The following CCDC18 variants were observed in gnomAD, a reference collection of about 807,000 sequenced individuals.
CCDC18 encodes the protein coiled-coil domain containing 18, also known as coiled-coil domain-containing protein 18.
CCDC18 carries 157 observed loss-of-function variants against 196.0 expected under a neutral mutation model. The observed-to-expected ratio is 0.80, with a 90% CI of 0.70 to 0.91. The LOEUF (loss-of-function observed/expected upper bound fraction) is 0.91, where lower values mean the gene tolerates loss of function less well. Ranked by LOEUF, CCDC18 falls within the 40% of genes least tolerant of loss-of-function variation. The probability of loss-of-function intolerance (pLI) is 0.00; values close to 1 mark genes in which losing one functional copy is unlikely to be tolerated. For synonymous variants in CCDC18, 482 were observed against 529.2 expected (o/e 0.91, Z 1.22); for missense variants, 1,465 against 1,611.6 (o/e 0.91, Z 1.56).
In CCDC18 at chr1:93,189,531, T is replaced by C. The variant is rs557785712; in HGVS notation, c.463-2469T>C. 5.3e-5 allele frequency among the ~76,000 whole-genome samples: 8 copies of C among 152,364 alleles called. No individual in the cohort carries two copies. In the South Asian group the frequency reaches 1.7e-3, roughly 32 times the overall value. Reference sequence around the variant, plus strand: ...CATATGGTAGCTGTATTTTTAGTTTTTTGAGGAGCCTCCAAACTGTTCTCC... The same window carrying C: ...CATATGGTAGCTGTATTTTTAGTTTCTTGAGGAGCCTCCAAACTGTTCTCC... On this transcript the variant is annotated intron_variant, in intron 4 of 28. Coordinates refer to ENST00000690025, the MANE Select transcript of CCDC18 (RefSeq NM_001378204.1).
At chr1:93,219,145 G>C (rs1331864241) in intron 14 of CCDC18, among the ~76,000 whole-genome samples, 1 of 152,132 alleles carries the variant, frequency 6.6e-6, no homozygotes, top group East Asian at 1.9e-4. Flanking sequence ...CATGTTTTCT[G>C]TTAATGCCTT....
chr1:93,232,950 G>A (rs1402924497), intron 18 of CCDC18, among the ~76,000 whole-genome samples: 4 of 151,890 alleles, frequency 2.6e-5, no homozygotes, highest in Admixed American at 6.6e-5. Context: ...CAGCCTGGGC[G>A]ACAGAGTGAG....
At chr1:93,222,135 T>C (rs1216585259) in intron 16 of CCDC18, among the ~76,000 whole-genome samples, 199 bp downstream of exon 16, 3 of 152,090 alleles carry the variant, frequency 2.0e-5, no homozygotes, top group Non-Finnish European at 4.4e-5. Flanking sequence ...CCTGGCTAAT[T>C]ATTTTTTTCT....
chr1:93,195,978 T>C (rs1652654821), intron 6 of CCDC18, among the ~76,000 whole-genome samples: 1 of 152,126 alleles, frequency 6.6e-6, no homozygotes, highest in South Asian at 2.1e-4. Flanking sequence ...GGAGAGATTG[T>C]TTAGCTTTAT....
At chr1:93,191,783 A>G (rs1459107493) in intron 4 of CCDC18, among the ~76,000 whole-genome samples, 1 of 152,214 alleles carries the variant, frequency 6.6e-6, no homozygotes, top group Non-Finnish European at 1.5e-5. Flanking sequence ...CTTCAGTTAT[A>G]AGTTGAAGGT....
intron 17 of CCDC18, among the ~76,000 whole-genome samples, chr1:93,228,493 T>C (rs1233468706): frequency 1.4e-5 from 2 of 146,700 alleles, no homozygotes; most frequent in Admixed American, 6.7e-5. Flanking sequence ...AGTAATTATA[T>C]AGCCTTAGAA....
chr1:93,216,751 A>G lies in CCDC18; in HGVS notation c.1830+5A>G. The G allele has an allele frequency of 6.9e-7, 1 of 1,441,088 alleles. No homozygotes were observed. Among genetic ancestry groups the G allele is most frequent in the Non-Finnish European group, 9.5e-7 (1 of 1,047,294 alleles). 89.3% of individuals were successfully genotyped at this position (1,441,088 alleles called of 1,614,324 possible). The stretch of plus-strand genomic sequence containing the variant: ...GAACTAGAACAGGAGCTTATGGTAA[A>G]ACTTATCTTTGTTCCTACAAATTTA... On this transcript the variant is annotated splice_donor_5th_base_variant and intron_variant, in intron 13 of 28. Transcript: ENST00000690025.
Position 93,236,334 on chromosome 1 carries a change from TG to T in CCDC18, c.2548del (p.Ala850HisfsTer6). 1 of 1,580,390 alleles carries T rather than the reference TG, an allele frequency of 6.3e-7. No individual in the cohort carries two copies. Among genetic ancestry groups the T allele is most frequent in the Non-Finnish European group, 8.6e-7 (1 of 1,169,252 alleles). On this transcript the variant is annotated frameshift_variant, in exon 19 of 29. Transcript: ENST00000690025. LOFTEE classifies it high-confidence loss of function. ...RKMEEKCESA[A>X]HEADLKRQKV... is the part of the protein sequence containing the mutation. ...AAATGGAGGAGAAATGTGAATCAGC[TG>T]CACATGAAGCAGATTTGAAAAGGCA... is the stretch of plus-strand genomic sequence containing the variant.
At chr1:93,191,401 T>A (rs1389543987) in intron 4 of CCDC18, among the ~76,000 whole-genome samples, 1 of 152,210 alleles carries the variant, frequency 6.6e-6, no homozygotes, top group African/African-American at 2.4e-5. Flanking sequence ...ACTGTATCCC[T>A]GGTTTTTCAT....
intron 11 of CCDC18, among the ~76,000 whole-genome samples, chr1:93,212,490 TC>T (rs1445702140): frequency 6.6e-6 from 1 of 152,130 alleles, no homozygotes; most frequent in Non-Finnish European, 1.5e-5. Flanking sequence ...ACTCCCTCCT[TC>T]CACCCTCCAC....
chr1:93,239,952 A>G (rs1450070022), intron 21 of CCDC18, 56 bp downstream of exon 21: 1 of 1,206,412 alleles, frequency 8.3e-7, no homozygotes, highest in African/African-American at 1.5e-5. Context: ...ATAATACAAT[A>G]AAATATGTTG....
intron 21 of CCDC18, among the ~76,000 whole-genome samples, chr1:93,242,948 C>T (rs1193665316): frequency 6.6e-6 from 1 of 152,212 alleles, no homozygotes; most frequent in African/African-American, 2.4e-5. Context: ...TAGCCTTTCT[C>T]CTGGCTGCTT....
At chr1:93,186,642 C>T (rs1016703514) in intron 4 of CCDC18, 139 bp downstream of exon 4, 34 of 582,480 alleles carry the variant, frequency 5.8e-5, no homozygotes, top group Non-Finnish European at 8.9e-5. Context: ...ATAGTATCAA[C>T]ATGTTGTAAA....
chr1:93,184,214 T>A, intron 3 of CCDC18, 68 bp downstream of exon 3: 1 of 818,276 alleles, frequency 1.2e-6, no homozygotes, highest in Non-Finnish European at 1.6e-6. Flanking sequence ...TAAAAAAAAT[T>A]TTTTTTAATT....
chr1:93,251,915 T>G (rs1331172104), intron 23 of CCDC18, among the ~76,000 whole-genome samples: 1 of 152,248 alleles, frequency 6.6e-6, no homozygotes, highest in Non-Finnish European at 1.5e-5. Flanking sequence ...TTCAAAGATT[T>G]GCTCTTTTGA....
At chr1:93,237,926 G>A (rs1660275890) in intron 19 of CCDC18, among the ~76,000 whole-genome samples, 1 of 152,024 alleles carries the variant, frequency 6.6e-6, no homozygotes, top group African/African-American at 2.4e-5. Flanking sequence ...ACATTTTTTG[G>A]TAGAAATTTT....
chr1:93,249,820 G>T (rs1557688899), intron 23 of CCDC18, among the ~76,000 whole-genome samples: 3 of 152,030 alleles, frequency 2.0e-5, no homozygotes, highest in African/African-American at 7.2e-5. Flanking sequence ...TGCATTGTTT[G>T]TTTGAAATTT....
chr1:93,188,838 T>A (rs1253023337), intron 4 of CCDC18, among the ~76,000 whole-genome samples: 1 of 152,240 alleles, frequency 6.6e-6, no homozygotes, highest in Non-Finnish European at 1.5e-5. Context: ...AATTTTTATT[T>A]TTAATTTTTG....
chr1:93,270,840 G>T, intron 28 of CCDC18, 26 bp downstream of exon 28: 1 of 1,373,024 alleles, frequency 7.3e-7, no homozygotes, highest in East Asian at 2.6e-5. Flanking sequence ...ACTGTAAACT[G>T]TAATAATTTG....
Sources: gnomAD v4.1 joint callset for allele counts (sites outside exome capture counted in the v4.1 genomes callset) on GRCh38, gnomAD v4.1.1 for gene constraint, MANE v1.5 for transcripts, NCBI Gene and HGNC (gene_info 2026-07-23, HGNC 2026-07-21) for gene names.